TMEM132C: variants seen among roughly 807,000 people sequenced by gnomAD.
TMEM132C encodes the protein transmembrane protein 132C.
A neutral mutation model predicts 61.4 loss-of-function variants in TMEM132C; 29 were observed. The observed-to-expected ratio is 0.47, with a 90% CI of 0.35 to 0.64. The LOEUF is 0.64. Among genes scored for constraint, TMEM132C ranks in the 30% least tolerant of loss-of-function variants. TMEM132C has a pLI of 0.00. For missense variants in TMEM132C, 1,408 were observed against 1,476.9 expected, an observed-to-expected ratio of 0.95 and a Z score of 0.76; for synonymous variants, 656 against 633.1, an observed-to-expected ratio of 1.04 and a Z score of -0.54.
In TMEM132C at chr12:128,706,459, G is replaced by A; in HGVS notation, c.*164G>A. ...TCAGGAAAAGACGTTTTTGTATCAA[G>A]GGATTTTTAGCAGTTAATGGTGGTG... On this transcript the variant is annotated 3_prime_UTR_variant, in exon 9 of 9. Transcript: ENST00000435159. 1.1e-6 allele frequency: 1 copy of A among 943,006 alleles called. No individual in the cohort carries two copies. The highest frequency in any genetic ancestry group is 1.5e-6 in the Non-Finnish European group (1 of 678,718). The allele number at this position is 943,006 out of a possible 1,614,324, so 58.4% of individuals were successfully genotyped here. A position where few individuals can be genotyped will look rare whatever the true frequency, so the allele number is the denominator to read the frequency against.
chr12:128,280,315 G>T (rs1025026786), intron 1 of TMEM132C, among the ~76,000 whole-genome samples: 1 of 152,078 alleles, frequency 6.6e-6, no homozygotes, highest in Non-Finnish European at 1.5e-5. Flanking sequence ...TTTTCAAGTC[G>T]CCGACTTTAT....
At chr12:128,469,933 A>G (rs1870890905) in intron 2 of TMEM132C, among the ~76,000 whole-genome samples, 1 of 152,142 alleles carries the variant, frequency 6.6e-6, no homozygotes, top group Non-Finnish European at 1.5e-5. Flanking sequence ...ACATACACAT[A>G]TGTGTGTACA....
intron 3 of TMEM132C, among the ~76,000 whole-genome samples, chr12:128,606,318 G>A (rs1415041249): frequency 1.3e-5 from 2 of 152,222 alleles, no homozygotes; most frequent in African/African-American, 4.8e-5. Context: ...TCCCCCGTGT[G>A]GCCAGGGGTT....
intron 3 of TMEM132C, among the ~76,000 whole-genome samples, chr12:128,568,616 A>G (rs1201350836): frequency 1.3e-5 from 2 of 152,188 alleles, no homozygotes; most frequent in African/African-American, 2.4e-5. Context: ...AAATGCTCCA[A>G]GGTCACACAG....
intron 1 of TMEM132C, among the ~76,000 whole-genome samples, chr12:128,312,600 C>T (rs1213283672): frequency 6.6e-6 from 1 of 152,100 alleles, no homozygotes; most frequent in African/African-American, 2.4e-5. Flanking sequence ...GCAATGGAGG[C>T]AGACATTGGA....
intron 1 of TMEM132C, among the ~76,000 whole-genome samples, chr12:128,383,315 A>G (rs2135992913): frequency 6.6e-6 from 1 of 152,224 alleles, no homozygotes; most frequent in Middle Eastern, 3.4e-3. Context: ...GGGTGGATGC[A>G]TTTTCAGCTT....
At chr12:128,555,887 G>GT (rs1233277685) in intron 3 of TMEM132C, among the ~76,000 whole-genome samples, 4 of 151,902 alleles carry the variant, frequency 2.6e-5, no homozygotes, top group South Asian at 2.1e-4. Flanking sequence ...GCTAGTTTTT[G>GT]TTTTTTTGTG....
chr12:128,566,851 C>T (rs537263416), intron 3 of TMEM132C, among the ~76,000 whole-genome samples: 47 of 152,284 alleles, frequency 3.1e-4, no homozygotes, highest in Middle Eastern at 3.4e-3. Context: ...TAGGTTTCCT[C>T]GTCTTTAAAA....
rs952772556 is a variant in TMEM132C, at chr12:128,483,045, G to A, written c.975-60912G>A. Among the ~76,000 whole-genome samples, 10 of 151,730 alleles carry A rather than the reference G, an allele frequency of 6.6e-5. No homozygotes were observed. In the South Asian group the frequency reaches 8.4e-4, roughly 13 times the overall value. On this transcript the variant is annotated intron_variant, in intron 2 of 8. Transcript: ENST00000435159. ...GATCGCTTGAGCCCAGCAGTACTGG[G>A]CAGGAGTTGGAGACCAGTCTGGGCA...
chr12:128,654,500 T>C lies in TMEM132C; in HGVS notation c.1306-14917T>C, dbSNP rs942553943. Among the ~76,000 whole-genome samples, 6 of 152,310 alleles carry C rather than the reference T, an allele frequency of 3.9e-5. No homozygotes were observed. The East Asian group carries it at 1.2e-3, about 29-fold the overall frequency. On this transcript the variant is annotated intron_variant, in intron 4 of 8. Transcript: ENST00000435159. ...TTGCTGTACTTCATTACAGCAGCCT[T>C]AGAAAACTAACAGAGGCATACACAT...
At chr12:128,614,547 G>A (rs927003701) in intron 3 of TMEM132C, among the ~76,000 whole-genome samples, 6 of 152,158 alleles carry the variant, frequency 3.9e-5, no homozygotes, top group East Asian at 3.9e-4. Context: ...CATTGGACTC[G>A]GAAACAGGAG....
intron 1 of TMEM132C, among the ~76,000 whole-genome samples, chr12:128,355,993 GT>G (rs1251039289): frequency 6.6e-6 from 1 of 152,110 alleles, no homozygotes; most frequent in Admixed American, 6.5e-5. Context: ...TCTCTGTGTG[GT>G]TAGGTGTCTT....
intron 1 of TMEM132C, among the ~76,000 whole-genome samples, chr12:128,272,823 C>T (rs1870567057): frequency 6.6e-6 from 1 of 152,066 alleles, no homozygotes; most frequent in Admixed American, 6.6e-5. Flanking sequence ...GGTGAAATAT[C>T]TTTTTCAAAT....
intron 2 of TMEM132C, among the ~76,000 whole-genome samples, chr12:128,419,175 C>G (rs1188968201): frequency 2.0e-5 from 3 of 152,004 alleles, no homozygotes; most frequent in African/African-American, 7.3e-5. Context: ...GTTAGTACAG[C>G]CTCCAAGACT....
At chr12:128,588,722 C>G (rs980460691) in intron 3 of TMEM132C, among the ~76,000 whole-genome samples, 4 of 152,192 alleles carry the variant, frequency 2.6e-5, no homozygotes, top group African/African-American at 9.7e-5. Flanking sequence ...CTCCCTCTTT[C>G]CTTCCACCAA....
At chr12:128,588,112 A>G (rs1001793988) in intron 3 of TMEM132C, among the ~76,000 whole-genome samples, 1 of 152,202 alleles carries the variant, frequency 6.6e-6, no homozygotes, top group Admixed American at 6.5e-5. Flanking sequence ...TCCAGAGTAC[A>G]GAAGACATTG....
At chr12:128,420,090 G>A (rs1868937267) in intron 2 of TMEM132C, among the ~76,000 whole-genome samples, 1 of 152,164 alleles carries the variant, frequency 6.6e-6, no homozygotes, top group Non-Finnish European at 1.5e-5. Flanking sequence ...CAGCTACTTG[G>A]GAGGCTGAGG....
intron 3 of TMEM132C, among the ~76,000 whole-genome samples, chr12:128,554,252 G>A (rs780237270): frequency 2.6e-5 from 4 of 152,196 alleles, no homozygotes; most frequent in Non-Finnish European, 4.4e-5. Flanking sequence ...GCAAGGGACA[G>A]GTGAAAGGAG....
intron 2 of TMEM132C, among the ~76,000 whole-genome samples, chr12:128,512,181 C>G (rs373596918): frequency 6.6e-6 from 1 of 151,938 alleles, no homozygotes. Flanking sequence ...GACAAAGAGA[C>G]GCCTTGCTTC....
Sources: gnomAD v4.1 joint callset for allele counts (sites outside exome capture counted in the v4.1 genomes callset) on GRCh38, gnomAD v4.1.1 for gene constraint, MANE v1.5 for transcripts, NCBI Gene and HGNC (gene_info 2026-07-23, HGNC 2026-07-21) for gene names.